ARFGAP1: variants seen among roughly 807,000 people sequenced by gnomAD.
ARFGAP1 encodes the protein ADP-ribosylation factor GTPase-activating protein 1.
ARFGAP1 carries 26 observed loss-of-function variants against 54.0 expected under a neutral mutation model. The ratio of observed to expected loss-of-function variants is 0.48; its 90% CI spans 0.35 to 0.67. The LOEUF (loss-of-function observed/expected upper bound fraction) is 0.67. Ranked by LOEUF, ARFGAP1 falls within the 30% of genes least tolerant of loss-of-function variation. The pLI is 0.00. For missense variants in ARFGAP1, 525 were observed against 535.8 expected (o/e 0.98, Z 0.20); for synonymous variants, 248 against 211.9 (o/e 1.17, Z -1.48).
At chr20:63,277,417 A>G in intron 5 of ARFGAP1, 112 bp downstream of exon 5, 1 of 943,232 alleles carries the variant, frequency 1.1e-6, no homozygotes, top group Non-Finnish European at 1.5e-6. Context: ...CTCTTTTCCC[A>G]GAAGTCAGTG....
chr20:63,278,510 A>G, intron 6 of ARFGAP1: 1 of 467,394 alleles, frequency 2.1e-6, no homozygotes, highest in South Asian at 2.3e-5. Context: ...CCAGCTGCCC[A>G]GGTGTGAATT....
In ARFGAP1 at chr20:63,288,112, C is replaced by G. The variant is rs2067614260; in HGVS notation, c.*239C>G. 3.3e-6 allele frequency: 2 copies of G among 610,368 alleles called. No individual in the cohort carries two copies. Among genetic ancestry groups the G allele is most frequent in the Non-Finnish European group, 2.9e-6 (1 of 341,914 alleles). The allele number at this position is 610,368 out of a possible 1,614,324, so 37.8% of individuals were successfully genotyped here. A position where few individuals can be genotyped will look rare whatever the true frequency, so the allele number is the denominator to read the frequency against. On this transcript the variant is annotated 3_prime_UTR_variant, in exon 13 of 13. Transcript: ENST00000370283. ...GGGGGCCGTCCCGTCCCACACTCCC[C>G]TGGGCATTCTTGGACTCAAGGCCGG...
At chr20:63,284,412 C>G in intron 9 of ARFGAP1, 1 of 1,075,110 alleles carries the variant, frequency 9.3e-7, no homozygotes, top group Non-Finnish European at 1.1e-6. Flanking sequence ...AGAGGCTGAG[C>G]TCCTTTCTCA....
chr20:63,282,912 C>T (rs376333554), intron 9 of ARFGAP1, 61 bp downstream of exon 9: 29 of 1,576,094 alleles, frequency 1.8e-5, no homozygotes, highest in South Asian at 8.9e-5. Flanking sequence ...TCTGACGTCA[C>T]GTGCAGCACC....
At chr20:63,284,105 C>A in intron 9 of ARFGAP1, 1 of 1,330,228 alleles carries the variant, frequency 7.5e-7, no homozygotes, top group South Asian at 2.0e-5. Flanking sequence ...CTGCGCTCCC[C>A]CCGGGCAAAA....
intron 9 of ARFGAP1, 108 bp from the exon 10 acceptor site, chr20:63,284,743 ATCCTGCTGCCTTCCC>A: frequency 6.6e-7 from 1 of 1,523,892 alleles, no homozygotes; most frequent in Non-Finnish European, 8.8e-7. Flanking sequence ...CTGCGCTTGT[ATCCTGCTGCCTTCCC>A]TCCTGCTGGT....
In ARFGAP1 at chr20:63,281,271, C is replaced by T; in HGVS notation, c.628-20C>T. On this transcript the variant is annotated intron_variant, in intron 7 of 12. Coordinates refer to ENST00000370283, the MANE Select transcript of ARFGAP1 (RefSeq NM_018209.4). Reference sequence around the variant, plus strand: ...CTGGGTCCCAGTCCTGATGTGGCTGCTCTTTGTCGCCTCCCTCAGGGCTGG... The same window carrying T: ...CTGGGTCCCAGTCCTGATGTGGCTGTTCTTTGTCGCCTCCCTCAGGGCTGG... 6.3e-7 allele frequency: 1 copy of T among 1,590,380 alleles called. No individual in the cohort carries two copies. The highest frequency in any genetic ancestry group is 1.1e-5 in the South Asian group (1 of 88,134).
At position 63,288,556 on chromosome 20, in the gene ARFGAP1, C is replaced by T. The variant is rs1247330486; in HGVS notation, c.*683C>T. On this transcript the variant is annotated 3_prime_UTR_variant, in exon 13 of 13. Transcript: ENST00000370283. ...GCCACACCCACACCTGAGCTGTTCT[C>T]AGTGCTGGAACTTGACCATCCTGGA... is the stretch of plus-strand genomic sequence containing the variant. The T allele has an allele frequency of 4.4e-6, 2 of 454,538 alleles. No homozygotes were observed. The highest frequency in any genetic ancestry group is 4.7e-5 in the Admixed American group (2 of 42,568). The allele number at this position is 454,538 out of a possible 1,614,324, so 28.2% of individuals were successfully genotyped here. A position where few individuals can be genotyped will look rare whatever the true frequency, so the allele number is the denominator to read the frequency against.
chr20:63,279,199 C>CT (rs758984547), intron 7 of ARFGAP1: 42,791 of 535,214 alleles, frequency 0.08, 5 homozygotes, highest in East Asian at 0.11. Context: ...CAATCACTTC[C>CT]TTTTTTTTTT....
In ARFGAP1 at chr20:63,281,160, G is replaced by A. The variant is rs6090341; in HGVS notation, c.628-131G>A. On this transcript the variant is annotated intron_variant, in intron 7 of 12. Transcript: ENST00000370283. Reference sequence around the variant, plus strand: ...TCCAGCAGCCTGGAGAAGCAGGCGCGGTGGGGTCAGGATGGGACGGGGGCC... The same window carrying A: ...TCCAGCAGCCTGGAGAAGCAGGCGCAGTGGGGTCAGGATGGGACGGGGGCC... 4.6e-4 allele frequency: 419 copies of A among 902,296 alleles called. 3 individuals carry two copies. In the African/African-American group the frequency reaches 6.3e-3, roughly 14 times the overall value. The allele number at this position is 902,296 out of a possible 1,614,324, so 55.9% of individuals were successfully genotyped here. A position where few individuals can be genotyped will look rare whatever the true frequency, so the allele number is the denominator to read the frequency against.
rs750231687 is a variant in ARFGAP1 at position 63,287,890 on chromosome 20, G to A, written c.*17G>A. On this transcript the variant is annotated 3_prime_UTR_variant, in exon 13 of 13. Transcript: ENST00000370283. ...AACTGGTAGGGCCCACTGCGCCCCC[G>A]TCCCCAGCGCCCCCGGGCGACTTCG... The A allele has an allele frequency of 3.7e-5, 55 of 1,495,734 alleles. No homozygotes were observed. Among genetic ancestry groups the A allele is most frequent in the South Asian group, 1.1e-4 (9 of 79,420 alleles). The allele number at this position is 1,495,734 out of a possible 1,614,324, so 92.7% of individuals were successfully genotyped here.
intron 1 of ARFGAP1, chr20:63,273,468 T>G (rs1314748728): frequency 1.3e-5 from 2 of 152,320 alleles, no homozygotes; most frequent in South Asian, 4.1e-4. Flanking sequence ...GTTCAGAGTT[T>G]TTGCGTTATT....
chr20:63,276,391 C>A lies in ARFGAP1; in HGVS notation c.171-89C>A. ...TCAGCCTCCCTGCGGCTGCTGCTTG[C>A]TGTGTCTAATTCTCAGGACGATGCT... On this transcript the variant is annotated intron_variant, in intron 3 of 12. Coordinates refer to ENST00000370283, the MANE Select transcript of ARFGAP1 (RefSeq NM_018209.4). This position sits in a 1 kb window ranked among gnomAD's most constrained non-coding sequence, Gnocchi z 5.2. 6.6e-7 allele frequency: 1 copy of A among 1,518,130 alleles called. No individual in the cohort carries two copies. Among genetic ancestry groups the A allele is most frequent in the African/African-American group, 1.4e-5 (1 of 72,984 alleles). 94.0% of individuals were successfully genotyped at this position (1,518,130 alleles called of 1,614,324 possible).
chr20:63,276,420 T>C lies in ARFGAP1; in HGVS notation c.171-60T>C, dbSNP rs1301243751. On this transcript the variant is annotated intron_variant, in intron 3 of 12. Transcript: ENST00000370283. The surrounding 1 kb of genome is among the most constrained non-coding windows in gnomAD (Gnocchi z 5.2). ...GTCTAATTCTCAGGACGATGCTGGGTGGAGGGTGTCCCTGGGTGTCCCCGG... is the reference window on the plus strand; with the variant it reads ...GTCTAATTCTCAGGACGATGCTGGGCGGAGGGTGTCCCTGGGTGTCCCCGG... 4.5e-6 allele frequency: 7 copies of C among 1,565,738 alleles called. No homozygotes were observed. The highest frequency in any genetic ancestry group is 6.1e-6 in the Non-Finnish European group (7 of 1,152,408).
Position 63,287,758 on chromosome 20 carries a change from C to T in ARFGAP1, c.1106C>T (p.Ser369Leu), listed in dbSNP as rs35608677. The T allele has an allele frequency of 1.1e-4, 176 of 1,608,962 alleles. 1 individual carries two copies. The Middle Eastern group carries it at 0.01, about 95-fold the overall frequency. ...RSSDSWEVWG[S>L]ASTNRNSNSD... is the part of the protein sequence containing the mutation. Reference sequence around the variant, plus strand: ...TCGGACAGCTGGGAGGTGTGGGGCTCGGCCTCCACCAACAGGAACAGCAAC... The same window carrying T: ...TCGGACAGCTGGGAGGTGTGGGGCTTGGCCTCCACCAACAGGAACAGCAAC... The change falls in exon 13 of 13, where the codon TCG becomes TTG. Residue 369 changes from serine (S) to leucine (L), a missense_variant. Physicochemically the swap from Ser to Leu is moderately radical, Grantham distance 145. Coordinates refer to ENST00000370283, the MANE Select transcript of ARFGAP1 (RefSeq NM_018209.4).
At chr20:63,282,269 G>T (rs13433339) in intron 8 of ARFGAP1, among the ~76,000 whole-genome samples, 9,110 of 152,336 alleles carry the variant, frequency 0.06, 339 homozygotes, top group Middle Eastern at 0.11. Flanking sequence ...CGCCAGGGCC[G>T]CCGTTTTCTC....
intron 1 of ARFGAP1, among the ~76,000 whole-genome samples, chr20:63,275,189 G>A (rs1184153252): frequency 6.6e-6 from 1 of 152,206 alleles, no homozygotes; most frequent in East Asian, 1.9e-4. Context: ...CTTTTAGGTG[G>A]AAAATCGAAT....
In ARFGAP1 at chr20:63,288,076, C is replaced by T. The variant is rs932847501; in HGVS notation, c.*203C>T. ...TCGGTGCGTGGGGGCGGCTTGCTGT[C>T]CAGCCTGTGTGGGGGCCGTCCCGTC... On this transcript the variant is annotated 3_prime_UTR_variant, in exon 13 of 13. Transcript: ENST00000370283. 7.7e-6 allele frequency: 5 copies of T among 652,326 alleles called. No individual in the cohort carries two copies. The highest frequency in any genetic ancestry group is 8.5e-4 in the Middle Eastern group (2 of 2,358). The allele number at this position is 652,326 out of a possible 1,614,324, so 40.4% of individuals were successfully genotyped here.
At chr20:63,283,597 C>T (rs1004743362) in intron 9 of ARFGAP1, 2 of 503,108 alleles carry the variant, frequency 4.0e-6, no homozygotes, top group South Asian at 3.0e-5. Context: ...GTGCCCACCC[C>T]CAGCTGCAGG....
Sources: gnomAD v4.1 joint callset for allele counts (sites outside exome capture counted in the v4.1 genomes callset) on GRCh38, gnomAD v4.1.1 for gene constraint, Gnocchi (gnomAD v3.1) non-coding constraint, MANE v1.5 for transcripts, NCBI Gene and HGNC (gene_info 2026-07-23, HGNC 2026-07-21) for gene names.